Variants in POLN observed in about 807,000 individuals in gnomAD.
POLN encodes DNA polymerase N.
Under a neutral mutation model 113.5 loss-of-function variants are expected in POLN, and 108 were observed. The ratio of observed to expected loss-of-function variants is 0.95; its 90% CI spans 0.81 to 1.12. POLN has a LOEUF of 1.12. Among genes scored for constraint, POLN ranks in the 50% most tolerant of loss-of-function variants. POLN has a pLI of 0.00. For synonymous variants in POLN, 386 were observed against 391.5 expected, an observed-to-expected ratio of 0.99 and a Z score of 0.17; for missense variants, 1,097 against 1,077.1, an observed-to-expected ratio of 1.02 and a Z score of -0.26.
chr4:2,202,961 G>C (rs1462473346), intron 5 of POLN, among the ~76,000 whole-genome samples: 2 of 152,150 alleles, frequency 1.3e-5, no homozygotes, highest in East Asian at 3.9e-4. Flanking sequence ...AGTCAACAAA[G>C]AAACAATGGA....
intron 2 of POLN, among the ~76,000 whole-genome samples, chr4:2,234,057 G>GA (rs1228994562): frequency 6.6e-6 from 1 of 150,958 alleles, no homozygotes; most frequent in African/African-American, 2.4e-5. Flanking sequence ...GCAAACAAAA[G>GA]AAAAAAAAGA....
chr4:2,077,992 G>A (rs1428513426), intron 23 of POLN, among the ~76,000 whole-genome samples: 1 of 152,214 alleles, frequency 6.6e-6, no homozygotes, highest in Non-Finnish European at 1.5e-5. Context: ...CATCTGGATG[G>A]CCTGACTGAG....
In POLN at chr4:2,208,478, A is replaced by T. The variant is rs193199605; in HGVS notation, c.223T>A (p.Ser75Thr). The change falls in exon 5 of 26, where the codon TCT (serine) becomes ACT (threonine). Residue 75 changes from serine (S) to threonine (T), a missense_variant. By Grantham distance (58) the Ser-to-Thr change is moderately conservative. Coordinates refer to ENST00000511885, the MANE Select transcript of POLN (RefSeq NM_181808.4). ...TQSPEKKDLK[S>T]LRSQTSRGSA... ...CCTCTTGATGTCTGACTTCTTAAAG[A>T]TTTAAGATCCTACAGAAAAATGGAA... 1 of 1,536,462 alleles carries T rather than the reference A, an allele frequency of 6.5e-7. No individual in the cohort carries two copies. The highest frequency in any genetic ancestry group is 1.4e-5 in the African/African-American group (1 of 71,890).
At chr4:2,078,832 G>A (rs1309123965) in intron 23 of POLN, 39 of 985,372 alleles carry the variant, frequency 4.0e-5, no homozygotes, top group Non-Finnish European at 4.7e-5. Context: ...AAAAGTGTCT[G>A]TGTCCAGCTT....
chr4:2,095,828 C>G (rs758887046), intron 20 of POLN, 23 bp downstream of exon 20: 3 of 1,611,244 alleles, frequency 1.9e-6, no homozygotes, highest in Non-Finnish European at 2.5e-6. Flanking sequence ...CCCCGAGACC[C>G]CAGCTCCCGG....
intron 19 of POLN, among the ~76,000 whole-genome samples, chr4:2,102,444 C>T (rs1404010948): frequency 6.6e-6 from 1 of 152,152 alleles, no homozygotes; most frequent in Admixed American, 6.5e-5. Flanking sequence ...CAACCACTGC[C>T]AACACAAATG....
At chr4:2,217,948 G>C (rs900489463) in intron 3 of POLN, among the ~76,000 whole-genome samples, 7 of 152,340 alleles carry the variant, frequency 4.6e-5, no homozygotes, top group East Asian at 1.9e-4. Context: ...GGTTAACCAC[G>C]TTGCAGGATG....
chr4:2,140,182 A>T (rs564283122), intron 16 of POLN, among the ~76,000 whole-genome samples: 71 of 152,192 alleles, frequency 4.7e-4, no homozygotes, highest in African/African-American at 1.6e-3. Context: ...AGTTCAAGTG[A>T]TTGTCCTGCC....
intron 13 of POLN, 107 bp downstream of exon 13, chr4:2,170,572 G>A (rs952727346): frequency 4.3e-6 from 4 of 930,676 alleles, no homozygotes; most frequent in Non-Finnish European, 6.6e-6. Context: ...ACTGCTGCCA[G>A]CATGAGGGGA....
chr4:2,072,470 G>A lies in POLN; in HGVS notation c.2518-171C>T, dbSNP rs145884745. On this transcript the variant is annotated intron_variant, in intron 25 of 25. Coordinates refer to ENST00000511885, the MANE Select transcript of POLN (RefSeq NM_181808.4). ...ATACACGTGCACACTCACCACACTC[G>A]CCCAGCAACAGGCTTATGCCACATC... Among the ~76,000 whole-genome samples the A allele has an allele frequency of 3.9e-3, 593 of 152,280 alleles. 6 individuals carry two copies. Among genetic ancestry groups the A allele is most frequent in the Admixed American group, 7.7e-3 (118 of 15,302 alleles).
At chr4:2,113,472 G>C (rs1170906582) in intron 19 of POLN, among the ~76,000 whole-genome samples, 3 of 151,944 alleles carry the variant, frequency 2.0e-5, no homozygotes, top group Admixed American at 2.0e-4. Context: ...TTCAGGGACA[G>C]CGTAAGTACT....
intron 21 of POLN, chr4:2,082,790 T>G (rs114395630): frequency 6.6e-6 from 1 of 152,306 alleles, no homozygotes; most frequent in Non-Finnish European, 1.5e-5. Context: ...GTCGGTCTAG[T>G]GACTTTTGGC....
At chr4:2,115,587 G>A (rs1312398237) in intron 19 of POLN, among the ~76,000 whole-genome samples, 4 of 152,022 alleles carry the variant, frequency 2.6e-5, no homozygotes, top group Non-Finnish European at 2.9e-5. Flanking sequence ...TACTCTCTTG[G>A]TCACAGTCAC....
chr4:2,219,538 T>C (rs959247662), intron 3 of POLN, among the ~76,000 whole-genome samples: 1 of 152,124 alleles, frequency 6.6e-6, no homozygotes, highest in Non-Finnish European at 1.5e-5. Context: ...TCCCTGACTG[T>C]TATCAGGAGG....
chr4:2,197,245 G>A (rs1012495952), intron 6 of POLN, among the ~76,000 whole-genome samples: 5 of 152,160 alleles, frequency 3.3e-5, no homozygotes, highest in Non-Finnish European at 5.9e-5. Flanking sequence ...AGGGGCAGGT[G>A]GAAGCAGGAG....
At chr4:2,193,340 T>G (rs968535444) in intron 6 of POLN, 24 bp from the exon 7 acceptor site, 2 of 1,490,784 alleles carry the variant, frequency 1.3e-6, no homozygotes, top group African/African-American at 1.4e-5. Context: ...AGAAATTCAC[T>G]GATTTAAACA....
chr4:2,181,867 G>A (rs1173974649), intron 7 of POLN, among the ~76,000 whole-genome samples: 2 of 152,122 alleles, frequency 1.3e-5, no homozygotes, highest in Non-Finnish European at 2.9e-5. Context: ...GGGTGTGGTG[G>A]TGGGCACCTG....
At chr4:2,198,742 T>G (rs1315004188) in intron 5 of POLN, 25 bp from the exon 6 acceptor site, 1 of 1,562,472 alleles carries the variant, frequency 6.4e-7, no homozygotes, top group South Asian at 1.2e-5. Flanking sequence ...CAAAATAAAT[T>G]AAACCCAGAC....
At chr4:2,195,015 A>G (rs113097157) in intron 6 of POLN, among the ~76,000 whole-genome samples, 50 of 152,302 alleles carry the variant, frequency 3.3e-4, no homozygotes, top group African/African-American at 1.2e-3. Flanking sequence ...TGAATAAGGT[A>G]TAACAAACGT....
Sources: gnomAD v4.1 joint callset for allele counts (sites outside exome capture counted in the v4.1 genomes callset) on GRCh38, gnomAD v4.1.1 for gene constraint, MANE v1.5 for transcripts, NCBI Gene and HGNC (gene_info 2026-07-23, HGNC 2026-07-21) for gene names.